FRYL: variants seen among roughly 807,000 people sequenced by gnomAD.
FRYL encodes FRY like transcription coactivator.
Under a neutral mutation model 351.2 loss-of-function variants are expected in FRYL, and 150 were observed. That is an observed-to-expected ratio of 0.43 (90% CI 0.37 to 0.49). The LOEUF (loss-of-function observed/expected upper bound fraction) is 0.49, where lower values mean the gene tolerates loss of function less well. Ranked by LOEUF, FRYL falls within the 20% of genes least tolerant of loss-of-function variation. The probability of loss-of-function intolerance (pLI) is 0.00; values close to 1 mark genes in which losing one functional copy is unlikely to be tolerated. For synonymous variants in FRYL, 1,153 were observed against 1,257.1 expected (o/e 0.92, Z 1.75); for missense variants, 3,036 against 3,619.3 (o/e 0.84, Z 4.13).
chr4:48,718,679 G>A (rs1444153815), intron 1 of FRYL, among the ~76,000 whole-genome samples: 1 of 151,332 alleles, frequency 6.6e-6, no homozygotes, highest in Non-Finnish European at 1.5e-5. Flanking sequence ...AACTGAAAAA[G>A]GTTGCCCAAT....
chr4:48,521,083 C>G lies in FRYL; in HGVS notation c.7654G>C (p.Ala2552Pro). 1 of 1,613,222 alleles carries G rather than the reference C, an allele frequency of 6.2e-7. No individual in the cohort carries two copies. The highest frequency in any genetic ancestry group is 1.3e-5 in the African/African-American group (1 of 75,032). ...CGGCTGTTAGCATTATCTAGAGAAG[C>G]CTCCAAAGTTGGGGTCTCATCCCTG... ...QIRDETPTLE[A>P]SLDNANSRLP... The change falls in exon 55 of 64, where the codon GCT becomes CCT. Residue 2552 changes from alanine (A) to proline (P), a missense_variant. Physicochemically the swap from Ala to Pro is conservative, Grantham distance 27 (BLOSUM62 -1). Coordinates refer to ENST00000358350, the MANE Select transcript of FRYL (RefSeq NM_015030.2).
At chr4:48,661,109 C>T (rs1354591586) in intron 3 of FRYL, among the ~76,000 whole-genome samples, 1 of 152,154 alleles carries the variant, frequency 6.6e-6, no homozygotes, top group African/African-American at 2.4e-5. Flanking sequence ...ATAGTAACAG[C>T]AGTGGAAACT....
At chr4:48,703,566 G>A (rs1196197670) in intron 2 of FRYL, among the ~76,000 whole-genome samples, 1 of 152,092 alleles carries the variant, frequency 6.6e-6, no homozygotes, top group Non-Finnish European at 1.5e-5. Context: ...TTTACACACT[G>A]TTTCCTATGT....
At position 48,500,210 on chromosome 4, in the gene FRYL, A is replaced by G; in HGVS notation, c.8603T>C (p.Met2868Thr). Residue 2868 changes from methionine to threonine, a missense_variant, in exon 63 of 64, where the codon ATG becomes ACG. Met to Thr is a moderately conservative substitution (Grantham distance 81, BLOSUM62 -1). Coordinates refer to ENST00000358350, the MANE Select transcript of FRYL (RefSeq NM_015030.2). ...TIKNEAEVIN[M>T]SEELAQLESI... ...TTCCAGTTGGGCAAGTTCCTCTGAC[A>G]TGTTGATGACCTAAAACAAATACAT... The G allele has an allele frequency of 1.3e-6, 2 of 1,578,786 alleles. No homozygotes were observed. The highest frequency in any genetic ancestry group is 1.7e-6 in the Non-Finnish European group (2 of 1,170,754).
In FRYL at chr4:48,595,956, A is replaced by G; in HGVS notation, c.1080T>C (p.Tyr360=). Residue 360 remains tyrosine, a synonymous_variant, in exon 14 of 64, where the codon TAT becomes TAC. Transcript: ENST00000358350. ...KMSRVALESL[Y]RLLWVYVIRI... is the part of the protein sequence containing the mutation. ...TAATTACATAAACCCACAATAATCT[A>G]TACAAAGATTCCAGTGCAACTCGAG... is the stretch of plus-strand genomic sequence containing the variant. 1 of 1,606,174 alleles carries G rather than the reference A, an allele frequency of 6.2e-7. No homozygotes were observed. The highest frequency in any genetic ancestry group is 8.5e-7 in the Non-Finnish European group (1 of 1,177,320).
At chr4:48,502,265 G>A (rs981187858) in intron 61 of FRYL, among the ~76,000 whole-genome samples, 2 of 152,208 alleles carry the variant, frequency 1.3e-5, no homozygotes, top group African/African-American at 4.8e-5. Flanking sequence ...CGTGGGCCGA[G>A]CACGGTGGCT....
chr4:48,776,152 C>CTTT (rs1257854116), intron 1 of FRYL, among the ~76,000 whole-genome samples: 1 of 140,730 alleles, frequency 7.1e-6, no homozygotes, highest in Admixed American at 7.1e-5. Context: ...CTTTTCGTTT[C>CTTT]TTTTTTTTTT....
At chr4:48,761,960 C>A (rs555069227) in intron 1 of FRYL, among the ~76,000 whole-genome samples, 1 of 152,022 alleles carries the variant, frequency 6.6e-6, no homozygotes, top group African/African-American at 2.4e-5. Flanking sequence ...GGAGGTGGGA[C>A]CTTTAGGAAG....
chr4:48,571,781 G>A (rs1738385543), intron 26 of FRYL: 2 of 972,404 alleles, frequency 2.1e-6, no homozygotes, highest in African/African-American at 3.5e-5. Flanking sequence ...ACTGGCTTTT[G>A]CAGTTTGGTT....
intron 35 of FRYL, 65 bp from the exon 36 acceptor site, chr4:48,553,448 G>C (rs1412095014): frequency 6.8e-6 from 8 of 1,178,186 alleles, no homozygotes; most frequent in Middle Eastern, 2.9e-4. Flanking sequence ...TTTCTCCTGA[G>C]ACAAACTTTA....
At chr4:48,501,815 G>A (rs1719736030) in intron 61 of FRYL, 82 bp from the exon 62 acceptor site, 10 of 881,300 alleles carry the variant, frequency 1.1e-5, no homozygotes, top group Non-Finnish European at 1.8e-5. Flanking sequence ...AGTTAAAATT[G>A]TCTTGTCGTT....
At position 48,734,851 on chromosome 4, in the gene FRYL, T is replaced by C. The variant is rs543454460; in HGVS notation, c.-383-24153A>G. On this transcript the variant is annotated intron_variant, in intron 1 of 63. Coordinates refer to ENST00000358350, the MANE Select transcript of FRYL (RefSeq NM_015030.2). ...AGGTTTGTCAAAGATCAGATAAACC[T>C]AAAACCATAAAAACTCTAGAAGAAA... 7.9e-5 allele frequency among the ~76,000 whole-genome samples: 12 copies of C among 152,282 alleles called. No homozygotes were observed. In the East Asian group the frequency reaches 2.3e-3, roughly 29 times the overall value.
intron 1 of FRYL, among the ~76,000 whole-genome samples, chr4:48,739,520 A>C (rs1346972003): frequency 1.3e-5 from 2 of 152,140 alleles, no homozygotes; most frequent in Non-Finnish European, 2.9e-5. Context: ...CATGCAAAAA[A>C]ATAAATAAAG....
chr4:48,690,766 T>C (rs1405026144), intron 2 of FRYL, among the ~76,000 whole-genome samples: 1 of 152,210 alleles, frequency 6.6e-6, no homozygotes, highest in Non-Finnish European at 1.5e-5. Flanking sequence ...ATGGAACTTA[T>C]GCTATCTAAT....
At chr4:48,719,063 A>G (rs990362271) in intron 1 of FRYL, among the ~76,000 whole-genome samples, 7 of 151,542 alleles carry the variant, frequency 4.6e-5, no homozygotes, top group South Asian at 2.1e-4. Context: ...CACTACTCCA[A>G]TGCATCTCAG....
chr4:48,720,461 C>T (rs752583196), intron 1 of FRYL, among the ~76,000 whole-genome samples: 1 of 152,174 alleles, frequency 6.6e-6, no homozygotes, highest in Middle Eastern at 3.4e-3. Flanking sequence ...CACGCCACTT[C>T]ACTCCAGGCC....
rs1458320915 is a variant in FRYL, at chr4:48,595,713, ATCTAG to A, written c.1140-20_1140-16del. 6.5e-7 allele frequency: 1 copy of A among 1,542,690 alleles called. No homozygotes were observed. The highest frequency in any genetic ancestry group is 8.9e-7 in the Non-Finnish European group (1 of 1,119,834). On this transcript the variant is annotated splice_polypyrimidine_tract_variant and intron_variant, in intron 14 of 63. Coordinates refer to ENST00000358350, the MANE Select transcript of FRYL (RefSeq NM_015030.2). ...TCATAAGACGACTACAGGGAAAAAG[ATCTAG>A]TCATAGTGAGATCATAACATCAACA...
At chr4:48,777,098 C>T (rs1776103880) in intron 1 of FRYL, among the ~76,000 whole-genome samples, 2 of 152,068 alleles carry the variant, frequency 1.3e-5, no homozygotes, top group Admixed American at 1.3e-4. Flanking sequence ...ACTTTATCTC[C>T]ATAAATACTC....
intron 2 of FRYL, among the ~76,000 whole-genome samples, chr4:48,705,097 G>A (rs763956879): frequency 2.0e-5 from 3 of 152,086 alleles, no homozygotes; most frequent in Non-Finnish European, 2.9e-5. Flanking sequence ...CTCCAGCCTG[G>A]GTGACGGTGA....
Sources: allele counts gnomAD v4.1 joint callset (sites outside exome capture counted in the v4.1 genomes callset), GRCh38; gene constraint gnomAD v4.1.1; transcripts MANE v1.5; gene names NCBI Gene and HGNC (gene_info 2026-07-23, HGNC 2026-07-21).